The following PCNX2 variants were observed in gnomAD, a reference collection of about 807,000 sequenced individuals.
The protein encoded by PCNX2 is pecanex-like protein 2.
In PCNX2, 168 loss-of-function variants were observed where a neutral mutation model predicts 223.8. The observed-to-expected ratio is 0.75, with a 90% CI of 0.66 to 0.85. The LOEUF (loss-of-function observed/expected upper bound fraction) is 0.85, where lower values mean the gene tolerates loss of function less well. Among genes scored for constraint, PCNX2 ranks in the 40% least tolerant of loss-of-function variants. PCNX2 has a pLI of 0.00. For synonymous variants in PCNX2, 1,006 were observed against 1,052.6 expected (o/e 0.96, Z 0.86); for missense variants, 2,507 against 2,675.5 (o/e 0.94, Z 1.39).
intron 1 of PCNX2, among the ~76,000 whole-genome samples, chr1:233,282,497 C>T (rs1264099297): frequency 6.6e-6 from 1 of 152,088 alleles, no homozygotes; most frequent in Non-Finnish European, 1.5e-5. Flanking sequence ...ACCAACTATC[C>T]TCTTTCATCC....
intron 25 of PCNX2, among the ~76,000 whole-genome samples, chr1:233,036,159 G>A (rs1324170892): frequency 6.6e-6 from 1 of 152,092 alleles, no homozygotes; most frequent in African/African-American, 2.4e-5. Flanking sequence ...CCACGTCATG[G>A]CGGGGAACTT....
chr1:233,201,864 A>AG (rs1235188035), intron 13 of PCNX2: 1 of 172,650 alleles, frequency 5.8e-6, no homozygotes, highest in Admixed American at 6.2e-5. Context: ...GAACACAATG[A>AG]AAAATGGCAT....
At chr1:233,025,026 T>C (rs17355937) in intron 26 of PCNX2, 120 bp downstream of exon 26, 305,356 of 1,355,318 alleles carry the variant, frequency 0.23, 34,914 homozygotes, top group Middle Eastern at 0.28. Flanking sequence ...GATGGCTGGG[T>C]TTCCAATTCG....
chr1:232,999,548 G>C, intron 30 of PCNX2, 169 bp from the exon 31 acceptor site: 1 of 706,590 alleles, frequency 1.4e-6, no homozygotes, highest in Non-Finnish European at 2.2e-6. Flanking sequence ...CCGCCTCCCG[G>C]ATTCAAGCAA....
chr1:233,002,174 T>C (rs1215944742), intron 28 of PCNX2, among the ~76,000 whole-genome samples: 1 of 152,130 alleles, frequency 6.6e-6, no homozygotes, highest in African/African-American at 2.4e-5. Flanking sequence ...GAAATAAAAC[T>C]AAATTAAATG....
At chr1:233,324,926 T>C in the PCNX2 span, among the ~76,000 whole-genome samples, 2 of 152,170 alleles carry the variant, frequency 1.3e-5, no homozygotes, top group African/African-American at 2.4e-5. Flanking sequence ...TTAAGAGCTA[T>C]TGCTCAGAAA....
chr1:233,324,711 C>T, the PCNX2 span, among the ~76,000 whole-genome samples: 11 of 151,378 alleles, frequency 7.3e-5, no homozygotes, highest in African/African-American at 2.4e-5. Flanking sequence ...AGTGATTCTC[C>T]TGACTCAGCC....
the PCNX2 span, among the ~76,000 whole-genome samples, chr1:233,326,974 G>A: frequency 5.3e-4 from 81 of 152,208 alleles, 1 homozygote; most frequent in Non-Finnish European, 5.4e-4. Flanking sequence ...CCGACCACGG[G>A]TCACTCTGCG....
Position 233,135,163 on chromosome 1 carries a change from A to G in PCNX2, c.3687T>C (p.Ala1229=), listed in dbSNP as rs1490047736. ...THWDIFLMII[A]GMKLLRTSFC... is the part of the protein sequence containing the mutation. ...ATGATGTCCGCAACAGCTTCATGCC[A>G]GCAATGATCATCAGAAAAATGTCCC... The change falls in exon 21 of 34, where the codon GCT becomes GCC. Residue 1229 remains alanine (A), a synonymous_variant. Transcript: ENST00000258229. 2 of 1,613,662 alleles carry G rather than the reference A, an allele frequency of 1.2e-6. No individual in the cohort carries two copies. Among genetic ancestry groups the G allele is most frequent in the African/African-American group, 2.7e-5 (2 of 74,938 alleles).
intron 21 of PCNX2, among the ~76,000 whole-genome samples, chr1:233,120,037 C>A (rs1279752990): frequency 6.6e-6 from 1 of 150,480 alleles, no homozygotes; most frequent in Admixed American, 6.6e-5. Context: ...CGTGGTTGCA[C>A]GCGCCTGTAG....
chr1:233,216,619 A>G (rs1033383186), intron 12 of PCNX2, among the ~76,000 whole-genome samples: 1 of 152,234 alleles, frequency 6.6e-6, no homozygotes, highest in African/African-American at 2.4e-5. Flanking sequence ...TACAGCCATT[A>G]TGGAAAACAG....
At chr1:233,050,249 C>A (rs1671954127) in intron 25 of PCNX2, among the ~76,000 whole-genome samples, 2 of 151,882 alleles carry the variant, frequency 1.3e-5, no homozygotes, top group Non-Finnish European at 2.9e-5. Context: ...AAAAAAATGA[C>A]CATACTGCCC....
At chr1:233,032,085 A>C in intron 25 of PCNX2, 1 of 926,752 alleles carries the variant, frequency 1.1e-6, no homozygotes, top group Non-Finnish European at 1.3e-6. Context: ...GAAATAAGAC[A>C]GTTTTCTTTC....
intron 1 of PCNX2, among the ~76,000 whole-genome samples, chr1:233,292,202 CTTTT>C (rs963996089): frequency 9.1e-6 from 1 of 109,482 alleles, no homozygotes; most frequent in Non-Finnish European, 1.8e-5. Flanking sequence ...TTCTTTCTTT[CTTTT>C]TTTTTTTTTT....
At chr1:233,297,195 G>A (rs952781420), upstream of PCNX2, among the ~76,000 whole-genome samples, 3 of 148,404 alleles carry the variant, frequency 2.0e-5, no homozygotes, top group East Asian at 5.8e-4. Flanking sequence ...GGTATAGGAG[G>A]AAAGGTCATG....
At chr1:232,985,112 C>T (rs1669422587) in intron 33 of PCNX2, 1 of 152,214 alleles carries the variant, frequency 6.6e-6, no homozygotes, top group African/African-American at 2.4e-5. Context: ...CCAGGACAGC[C>T]TGGGGGTTCC....
intron 21 of PCNX2, among the ~76,000 whole-genome samples, 195 bp from the exon 22 acceptor site, chr1:233,096,058 C>T (rs1674144150): frequency 6.6e-6 from 1 of 152,200 alleles, no homozygotes; most frequent in Non-Finnish European, 1.5e-5. Context: ...ATAGGCTGAT[C>T]AGAAGAAATC....
At chr1:233,202,585 T>A (rs1295655747) in intron 13 of PCNX2, among the ~76,000 whole-genome samples, 1 of 152,178 alleles carries the variant, frequency 6.6e-6, no homozygotes, top group Non-Finnish European at 1.5e-5. Context: ...ATTAACTAAA[T>A]GTCCTCATAT....
chr1:233,191,361 C>A (rs1186258718), intron 15 of PCNX2, among the ~76,000 whole-genome samples: 1 of 152,266 alleles, frequency 6.6e-6, no homozygotes, highest in Admixed American at 6.5e-5. Flanking sequence ...TGCATGTTTC[C>A]GTTTCCATTA....
Sources: gnomAD v4.1 joint callset for allele counts (sites outside exome capture counted in the v4.1 genomes callset) on GRCh38, gnomAD v4.1.1 for gene constraint, MANE v1.5 for transcripts, NCBI Gene and HGNC (gene_info 2026-07-23, HGNC 2026-07-21) for gene names.